Variants in FECH observed in about 807,000 individuals in gnomAD.
The protein encoded by FECH is ferrochelatase.
In FECH, 40 loss-of-function variants were observed where a neutral mutation model predicts 56.9. The ratio of observed to expected loss-of-function variants is 0.70; its 90% CI spans 0.55 to 0.92. FECH has a LOEUF of 0.92. Ranked by LOEUF, FECH falls within the 40% of genes least tolerant of loss-of-function variation. The pLI is 0.00. For missense variants in FECH, 431 were observed against 529.1 expected (o/e 0.81, Z 1.82); for synonymous variants, 175 against 198.6 (o/e 0.88, Z 1.00).
At chr18:57,573,094 A>G in intron 3 of FECH, 152 bp downstream of exon 3, 1 of 816,794 alleles carries the variant, frequency 1.2e-6, no homozygotes, top group Non-Finnish European at 2.0e-6. Flanking sequence ...TTCTGATATC[A>G]TATCCTTCTG....
In FECH at chr18:57,559,125, C is replaced by A; in HGVS notation, c.804+20G>T. 2 of 1,521,014 alleles carry A rather than the reference C, an allele frequency of 1.3e-6. No individual in the cohort carries two copies. The highest frequency in any genetic ancestry group is 1.7e-5 in the Admixed American group (1 of 59,868). 94.2% of individuals were successfully genotyped at this position (1,521,014 alleles called of 1,614,324 possible). On this transcript the variant is annotated intron_variant, in intron 7 of 10. Transcript: ENST00000262093. ...CCAATCCTCTATCACTAGGTCATCC[C>A]AGAAAATGTTCTTACTTACAGACAT...
At chr18:57,572,186 A>G (rs2122324569) in intron 3 of FECH, among the ~76,000 whole-genome samples, 1 of 152,352 alleles carries the variant, frequency 6.6e-6, no homozygotes, top group African/African-American at 2.4e-5. Context: ...CCAAATGTCC[A>G]TCAATGATAG....
Position 57,548,307 on chromosome 18 carries a change from ATT to A in FECH, c.*2403_*2404del, listed in dbSNP as rs1220788298. The stretch of plus-strand genomic sequence containing the variant: ...GTTCATTTCTCCTGATACGAAGCAA[ATT>A]TTGAGTGCAAAAATTTATTGTGATT... On this transcript the variant is annotated 3_prime_UTR_variant, in exon 11 of 11. Coordinates refer to ENST00000262093, the MANE Select transcript of FECH (RefSeq NM_000140.5). The A allele has an allele frequency of 6.6e-6, 1 of 152,056 alleles. No homozygotes were observed. Among genetic ancestry groups the A allele is most frequent in the African/African-American group, 2.4e-5 (1 of 41,404 alleles). 9.4% of individuals were successfully genotyped at this position (152,056 alleles called of 1,614,324 possible).
chr18:57,576,943 CA>C, intron 2 of FECH, among the ~76,000 whole-genome samples: 1 of 152,280 alleles, frequency 6.6e-6, no homozygotes, highest in South Asian at 2.1e-4. Context: ...AAAGTGTATA[CA>C]GCAAAATATA....
At position 57,561,794 on chromosome 18, in the gene FECH, G is replaced by A. The variant is rs560462787; in HGVS notation, c.705+1080C>T. On this transcript the variant is annotated intron_variant, in intron 6 of 10. Coordinates refer to ENST00000262093, the MANE Select transcript of FECH (RefSeq NM_000140.5). ...GAAACCCCCCTCCTTTCCAATCGCA[G>A]GCCTCCCAAAGCAAAACCCAGGCTG... 2.6e-5 allele frequency among the ~76,000 whole-genome samples: 4 copies of A among 152,206 alleles called. No individual in the cohort carries two copies. In the East Asian group the frequency reaches 7.7e-4, roughly 29 times the overall value.
chr18:57,574,597 C>T (rs1327387936), intron 2 of FECH, among the ~76,000 whole-genome samples: 4 of 152,250 alleles, frequency 2.6e-5, no homozygotes, highest in Non-Finnish European at 4.4e-5. Flanking sequence ...GATCAAGCTC[C>T]GGAGTCAACA....
At chr18:57,560,251 A>T (rs1041386457) in intron 6 of FECH, among the ~76,000 whole-genome samples, 1 of 152,230 alleles carries the variant, frequency 6.6e-6, no homozygotes, top group East Asian at 1.9e-4. Flanking sequence ...TTATTCTCAA[A>T]TGGGTCAGAA....
intron 1 of FECH, among the ~76,000 whole-genome samples, chr18:57,585,692 G>T (rs1246235726): frequency 1.3e-5 from 2 of 152,156 alleles, no homozygotes; most frequent in Non-Finnish European, 2.9e-5. Context: ...AATATGTCCG[G>T]TCTGTGTCCA....
Position 57,546,271 on chromosome 18 carries a change from CAT to C in FECH, c.*4439_*4440del, listed in dbSNP as rs1027841353. Among the ~76,000 whole-genome samples, 3 of 152,328 alleles carry C rather than the reference CAT, an allele frequency of 2.0e-5. No individual in the cohort carries two copies. Among genetic ancestry groups the C allele is most frequent in the Non-Finnish European group, 2.9e-5 (2 of 68,030 alleles). On this transcript the variant is annotated 3_prime_UTR_variant, in exon 11 of 11. Coordinates refer to ENST00000262093, the MANE Select transcript of FECH (RefSeq NM_000140.5). ...GCCTTCACGTGCCCCCGTGCGCACA[CAT>C]AGACGTTCGCTTACAGCTGCCAGCT...
At chr18:57,573,455 G>C in intron 2 of FECH, 90 bp from the exon 3 acceptor site, 11 of 1,459,248 alleles carry the variant, frequency 7.5e-6, no homozygotes, top group Non-Finnish European at 1.1e-5. Flanking sequence ...ACTCTAATCT[G>C]TTCCATACAA....
At position 57,545,937 on chromosome 18, in the gene FECH, A is replaced by G. The variant is rs2050714805; in HGVS notation, c.*4775T>C. On this transcript the variant is annotated 3_prime_UTR_variant, in exon 11 of 11. Transcript: ENST00000262093. ...GTTAATAATACTTCAAGTACTGTAG[A>G]CAGTTGTCCTTCTATATTGGCAGGG... Among the ~76,000 whole-genome samples, 2 of 152,228 alleles carry G rather than the reference A, an allele frequency of 1.3e-5. No homozygotes were observed. Among genetic ancestry groups the G allele is most frequent in the Non-Finnish European group, 2.9e-5 (2 of 68,036 alleles).
Position 57,586,555 on chromosome 18 carries a change from C to T in FECH, c.66G>A (p.Pro22=), listed in dbSNP as rs1253145529. The stretch of plus-strand genomic sequence containing the variant: ...GGCCGCCGCGACAGACCCACTTACG[C>T]GGATCGCGGAGCAGGACGCCCGCGG... ...LRAAGVLLRD[P]LASSSWRVCQ... The change falls in exon 1 of 11, where the codon CCG becomes CCA. Residue 22 remains proline (P), a splice_region_variant and synonymous_variant. Transcript: ENST00000262093. The T allele has an allele frequency of 7.9e-6, 12 of 1,521,724 alleles. No homozygotes were observed. The East Asian group carries it at 3.1e-4, about 39-fold the overall frequency. 94.3% of individuals were successfully genotyped at this position (1,521,724 alleles called of 1,614,324 possible).
chr18:57,548,811 G>C lies in FECH; in HGVS notation c.*1901C>G, dbSNP rs1337266550. On this transcript the variant is annotated 3_prime_UTR_variant, in exon 11 of 11. Coordinates refer to ENST00000262093, the MANE Select transcript of FECH (RefSeq NM_000140.5). ...ACAGCACAGTACTGCTATCAATTCA[G>C]GTTTCCTTAGCAAATAAGTGCTTCA... The C allele has an allele frequency of 6.6e-6, 1 of 152,188 alleles. No homozygotes were observed. 9.4% of individuals were successfully genotyped at this position (152,188 alleles called of 1,614,324 possible).
intron 1 of FECH, among the ~76,000 whole-genome samples, chr18:57,581,105 C>T (rs752341834): frequency 5.9e-5 from 9 of 152,194 alleles, no homozygotes; most frequent in Non-Finnish European, 1.3e-4. Flanking sequence ...TCAGAGGCAA[C>T]TCTCCAAAGG....
intron 6 of FECH, among the ~76,000 whole-genome samples, chr18:57,562,026 C>T (rs939431121): frequency 1.3e-5 from 2 of 152,172 alleles, no homozygotes; most frequent in South Asian, 2.1e-4. Context: ...TGTCTAGCAC[C>T]ATCTAGTGGT....
intron 2 of FECH, among the ~76,000 whole-genome samples, chr18:57,578,031 A>T (rs1391462971): frequency 6.6e-5 from 10 of 152,184 alleles, no homozygotes. Flanking sequence ...AAAGTTACTT[A>T]GTAGAATTTA....
chr18:57,580,823 C>T (rs1172330723), intron 1 of FECH, among the ~76,000 whole-genome samples: 2 of 152,168 alleles, frequency 1.3e-5, no homozygotes, highest in East Asian at 3.9e-4. Context: ...CCAGACCAGG[C>T]TCCCAGCGCC....
chr18:57,561,440 G>A (rs2050942173), intron 6 of FECH, among the ~76,000 whole-genome samples: 1 of 152,092 alleles, frequency 6.6e-6, no homozygotes, highest in South Asian at 2.1e-4. Context: ...CTTCAAAACT[G>A]AGGCGCCATG....
At chr18:57,568,866 A>G (rs565590401) in intron 4 of FECH, among the ~76,000 whole-genome samples, 1 of 152,358 alleles carries the variant, frequency 6.6e-6, no homozygotes, top group East Asian at 1.9e-4. Context: ...CCCTGTGCCA[A>G]TGATGAATTA....
Sources: allele counts gnomAD v4.1 joint callset (sites outside exome capture counted in the v4.1 genomes callset), GRCh38; gene constraint gnomAD v4.1.1; transcripts MANE v1.5; gene names NCBI Gene and HGNC (gene_info 2026-07-23, HGNC 2026-07-21).